OPN5: variants seen among roughly 807,000 people sequenced by gnomAD.
OPN5 encodes opsin 5, also known as opsin-5.
A neutral mutation model predicts 41.7 loss-of-function variants in OPN5; 18 were observed. The observed-to-expected ratio is 0.43, with a 90% CI of 0.30 to 0.64. The LOEUF is 0.64. Among genes scored for constraint, OPN5 ranks in the 30% least tolerant of loss-of-function variants. The pLI, the probability that OPN5 is intolerant of heterozygous loss-of-function variation, is 0.13. For missense variants in OPN5, 318 were observed against 434.5 expected (o/e 0.73, Z 2.38); for synonymous variants, 178 against 164.3 (o/e 1.08, Z -0.64).
chr6:47,782,267 GA>G, intron 1 of OPN5, 71 bp downstream of exon 1: 4 of 1,479,732 alleles, frequency 2.7e-6, no homozygotes, highest in Non-Finnish European at 3.7e-6. Context: ...TTAATTTTGT[GA>G]AAGGATTCTG....
chr6:47,790,290 G>GA (rs1240325431), intron 2 of OPN5, among the ~76,000 whole-genome samples: 2 of 152,070 alleles, frequency 1.3e-5, no homozygotes, highest in African/African-American at 4.8e-5. Flanking sequence ...TAAAACAGGT[G>GA]AAAAAAATTA....
chr6:47,791,901 G>T, exon 3 of OPN5: 1 of 1,614,012 alleles, frequency 6.2e-7, no homozygotes, highest in Non-Finnish European at 8.5e-7. Context: ...TTTTTCTTTG[G>T]CTGTGGAAGC....
At chr6:47,792,490 ATT>A (rs200463159) in intron 3 of OPN5, among the ~76,000 whole-genome samples, 3 of 151,482 alleles carry the variant, frequency 2.0e-5, no homozygotes, top group African/African-American at 7.3e-5. Context: ...CACTCAACAT[ATT>A]TTTTTTTGTG....
intron 4 of OPN5, among the ~76,000 whole-genome samples, chr6:47,807,820 G>A (rs1401768468): frequency 1.3e-5 from 2 of 151,678 alleles, no homozygotes; most frequent in East Asian, 3.9e-4. Flanking sequence ...GTGAATGTGG[G>A]TTGAGAAGTC....
chr6:47,795,002 G>T, intron 3 of OPN5: 1 of 458,894 alleles, frequency 2.2e-6, no homozygotes, highest in Non-Finnish European at 3.9e-6. Flanking sequence ...CCCTCCCAAA[G>T]CTCCCAGATG....
At chr6:47,816,546 A>G (rs1762434120) in intron 6 of OPN5, among the ~76,000 whole-genome samples, 1 of 152,170 alleles carries the variant, frequency 6.6e-6, no homozygotes, top group Non-Finnish European at 1.5e-5. Flanking sequence ...AGGATATAGC[A>G]AAATGGAGCT....
At chr6:47,782,087 C>T (rs754944929) in exon 1 of OPN5, 3 of 1,613,622 alleles carry the variant, frequency 1.9e-6, no homozygotes, top group Admixed American at 1.7e-5. Context: ...ATCACACTGC[C>T]CTGCCTCAGG....
intron 4 of OPN5, among the ~76,000 whole-genome samples, chr6:47,801,722 G>A (rs988993950): frequency 4.6e-5 from 7 of 151,786 alleles, no homozygotes; most frequent in East Asian, 1.9e-4. Context: ...ATTAATTTAC[G>A]ATTTCATACC....
chr6:47,803,510 G>T (rs923477842), intron 4 of OPN5, among the ~76,000 whole-genome samples: 1 of 152,100 alleles, frequency 6.6e-6, no homozygotes, highest in African/African-American at 2.4e-5. Flanking sequence ...ATGCATAGAG[G>T]TGATCTCTCC....
chr6:47,795,955 C>G (rs542484138), intron 4 of OPN5, among the ~76,000 whole-genome samples: 1 of 152,124 alleles, frequency 6.6e-6, no homozygotes, highest in Non-Finnish European at 1.5e-5. Flanking sequence ...GTATTTTCTG[C>G]GTTGCATGGA....
chr6:47,802,045 T>C (rs1305613841), intron 4 of OPN5, among the ~76,000 whole-genome samples: 1 of 152,234 alleles, frequency 6.6e-6, no homozygotes, highest in East Asian at 1.9e-4. Context: ...CTTCTGTATC[T>C]GAGGAATTTC....
chr6:47,800,924 A>C (rs958065838), intron 4 of OPN5, among the ~76,000 whole-genome samples: 24 of 152,332 alleles, frequency 1.6e-4, no homozygotes, highest in Admixed American at 1.4e-3. Context: ...ATAGTAATTC[A>C]TTTAACACAC....
In OPN5 at chr6:47,819,352, TA is replaced by T. The variant is rs1360600478; in HGVS notation, c.1057-4625del. On this transcript the variant is annotated intron_variant, in intron 6 of 6. Transcript: ENST00000371211. ...AAAATTAGGAATATATATATATATA[TA>T]AAAAATATATTACCGTATAAGTAGA... Among the ~76,000 whole-genome samples the T allele has an allele frequency of 6.7e-4, 64 of 95,040 alleles. 6 individuals carry two copies. Among genetic ancestry groups the T allele is most frequent in the African/African-American group, 1.5e-3 (41 of 27,344 alleles). 62.3% of individuals were successfully genotyped at this position (95,040 alleles called of 152,430 possible).
intron 2 of OPN5, among the ~76,000 whole-genome samples, chr6:47,791,423 A>G (rs1352583083): frequency 1.3e-5 from 2 of 152,320 alleles, no homozygotes; most frequent in East Asian, 3.9e-4. Flanking sequence ...AAGCCTTCGA[A>G]TGAAAGACTG....
At chr6:47,814,180 C>G (rs1022283747) in intron 6 of OPN5, among the ~76,000 whole-genome samples, 3 of 150,762 alleles carry the variant, frequency 2.0e-5, no homozygotes, top group South Asian at 2.1e-4. Flanking sequence ...TTTCCTTCTT[C>G]TTCTTTTGTG....
At chr6:47,790,727 A>G (rs1773343700) in intron 2 of OPN5, among the ~76,000 whole-genome samples, 1 of 152,156 alleles carries the variant, frequency 6.6e-6, no homozygotes, top group South Asian at 2.1e-4. Context: ...AGTGCTCTTT[A>G]TAATCTTTAT....
chr6:47,826,223 T>TC (rs1450601664), downstream of OPN5: 1 of 152,030 alleles, frequency 6.6e-6, no homozygotes, highest in Non-Finnish European at 1.5e-5. Flanking sequence ...CCTCTTTCCT[T>TC]CCCCATCTCT....
chr6:47,806,066 A>G (rs1273876396), intron 4 of OPN5, among the ~76,000 whole-genome samples: 1 of 151,982 alleles, frequency 6.6e-6, no homozygotes, highest in Non-Finnish European at 1.5e-5. Flanking sequence ...TGTGATGCCC[A>G]TGATGTCAAC....
chr6:47,798,641 CAT>C (rs1269928545), intron 4 of OPN5, among the ~76,000 whole-genome samples: 1 of 151,052 alleles, frequency 6.6e-6, no homozygotes, highest in Non-Finnish European at 1.5e-5. Context: ...ATTAAAATAA[CAT>C]AAACACAAGT....
Sources: allele counts gnomAD v4.1 joint callset (sites outside exome capture counted in the v4.1 genomes callset), GRCh38; gene constraint gnomAD v4.1.1; transcripts MANE v1.5; gene names NCBI Gene and HGNC (gene_info 2026-07-23, HGNC 2026-07-21).